Variants in GALNT13 observed in about 807,000 individuals in gnomAD.
The protein encoded by GALNT13 is UDP-GalNAc:polypeptide N-acetylgalactosaminyltransferase 13.
A neutral mutation model predicts 64.2 loss-of-function variants in GALNT13; 28 were observed. The ratio of observed to expected loss-of-function variants is 0.44; its 90% CI spans 0.32 to 0.60. The LOEUF (loss-of-function observed/expected upper bound fraction) is 0.60, where lower values mean the gene tolerates loss of function less well. GALNT13 is among the 20% of genes least tolerant of loss of function. The pLI is 0.05. For missense variants in GALNT13, 577 were observed against 669.8 expected (o/e 0.86, Z 1.53); for synonymous variants, 214 against 224.6 (o/e 0.95, Z 0.42).
At chr2:154,289,417 C>T (rs1031205821) in intron 8 of GALNT13, among the ~76,000 whole-genome samples, 3 of 152,148 alleles carry the variant, frequency 2.0e-5, no homozygotes, top group Non-Finnish European at 4.4e-5. Context: ...CTTACAGTTC[C>T]ACATGGCTGG....
chr2:153,106,644 G>A, the GALNT13 span, among the ~76,000 whole-genome samples: 1 of 152,126 alleles, frequency 6.6e-6, no homozygotes. Flanking sequence ...GTCAGTGTGA[G>A]GTGATGTATG....
chr2:154,441,305 A>G (rs1215314849), intron 12 of GALNT13, among the ~76,000 whole-genome samples: 2 of 152,118 alleles, frequency 1.3e-5, no homozygotes, highest in Non-Finnish European at 2.9e-5. Context: ...AGAAAGAGGA[A>G]TAATTGCTCA....
intron 3 of GALNT13, among the ~76,000 whole-genome samples, chr2:153,954,684 T>C (rs1692443442): frequency 6.6e-6 from 1 of 151,652 alleles, no homozygotes; most frequent in Non-Finnish European, 1.5e-5. Context: ...AAGCAATATT[T>C]TGAGTAACTT....
the GALNT13 span, among the ~76,000 whole-genome samples, chr2:153,747,028 C>T: frequency 1.3e-5 from 2 of 152,046 alleles, no homozygotes; most frequent in Non-Finnish European, 2.9e-5. Flanking sequence ...TCTTCTCCAA[C>T]TCTCTGGGTT....
chr2:153,122,201 T>A, the GALNT13 span, among the ~76,000 whole-genome samples: 3 of 151,926 alleles, frequency 2.0e-5, no homozygotes, highest in Non-Finnish European at 2.9e-5. Flanking sequence ...ACTTTACCTA[T>A]TGTTTACTGT....
At chr2:153,436,273 A>G in the GALNT13 span, among the ~76,000 whole-genome samples, 1 of 152,130 alleles carries the variant, frequency 6.6e-6, no homozygotes, top group East Asian at 1.9e-4. Flanking sequence ...CATCAAGGAT[A>G]TTGGTCTAAA....
chr2:153,371,350 G>A, the GALNT13 span, among the ~76,000 whole-genome samples: 2 of 152,082 alleles, frequency 1.3e-5, no homozygotes, highest in African/African-American at 4.8e-5. Context: ...GTTAGGAAAG[G>A]TAATAAAAAG....
intron 11 of GALNT13, among the ~76,000 whole-genome samples, chr2:154,414,425 A>T (rs1420314728): frequency 6.6e-6 from 1 of 152,020 alleles, no homozygotes. Flanking sequence ...ATTCCACACC[A>T]GGTTTATAGT....
At chr2:153,873,272 A>C (rs895050) in intron 1 of GALNT13, among the ~76,000 whole-genome samples, 123,380 of 152,174 alleles carry the variant, frequency 0.81, 51,460 homozygotes, top group Non-Finnish European at 0.9. Flanking sequence ...GGAGGGGCGC[A>C]AGGGGTTAGA....
the GALNT13 span, among the ~76,000 whole-genome samples, chr2:153,750,279 T>A: frequency 6.6e-6 from 1 of 151,894 alleles, no homozygotes; most frequent in East Asian, 1.9e-4. Flanking sequence ...TATTGGCCCA[T>A]AGTTTTCTTT....
chr2:153,078,805 C>T, the GALNT13 span, among the ~76,000 whole-genome samples: 8 of 152,024 alleles, frequency 5.3e-5, no homozygotes, highest in South Asian at 4.1e-4. Flanking sequence ...TGAGTATTAT[C>T]GTAATGAATG....
chr2:153,601,851 A>G, the GALNT13 span, among the ~76,000 whole-genome samples: 1 of 151,930 alleles, frequency 6.6e-6, no homozygotes. Context: ...ATATACACCA[A>G]GAAATCTTAA....
chr2:154,310,497 C>T (rs1693975264), intron 9 of GALNT13, among the ~76,000 whole-genome samples: 1 of 152,030 alleles, frequency 6.6e-6, no homozygotes, highest in South Asian at 2.1e-4. Flanking sequence ...ATATTATGTC[C>T]TGCAGTGTTT....
At chr2:154,028,575 T>C (rs1185150203) in intron 3 of GALNT13, among the ~76,000 whole-genome samples, 1 of 152,130 alleles carries the variant, frequency 6.6e-6, no homozygotes, top group East Asian at 1.9e-4. Context: ...TAGATTAAGT[T>C]TTCTGTGATT....
At chr2:153,432,673 G>A in the GALNT13 span, among the ~76,000 whole-genome samples, 1,328 of 151,958 alleles carry the variant, frequency 8.7e-3, 13 homozygotes, top group Non-Finnish European at 0.014. Flanking sequence ...TTTTCTTCTG[G>A]ACTGTTTTTC....
At chr2:153,507,506 C>T in the GALNT13 span, among the ~76,000 whole-genome samples, 1 of 152,074 alleles carries the variant, frequency 6.6e-6, no homozygotes, top group African/African-American at 2.4e-5. Context: ...GTCTCTATCT[C>T]CTGATCTCGT....
chr2:153,201,694 T>G, the GALNT13 span: 1 of 152,196 alleles, frequency 6.6e-6, no homozygotes, highest in Non-Finnish European at 1.5e-5. Context: ...TTTTATAACT[T>G]ACATTGTAAA....
At chr2:154,078,916 G>T (rs1701127549) in intron 3 of GALNT13, among the ~76,000 whole-genome samples, 1 of 151,570 alleles carries the variant, frequency 6.6e-6, no homozygotes, top group African/African-American at 2.4e-5. Context: ...ATAACATGAA[G>T]AAAATAATGC....
chr2:153,703,096 A>C, the GALNT13 span, among the ~76,000 whole-genome samples: 1 of 152,148 alleles, frequency 6.6e-6, no homozygotes, highest in Non-Finnish European at 1.5e-5. Flanking sequence ...GCTGATAATC[A>C]AGTAATATGA....
Sources: gnomAD v4.1 joint callset for allele counts (sites outside exome capture counted in the v4.1 genomes callset) on GRCh38, gnomAD v4.1.1 for gene constraint, MANE v1.5 for transcripts, NCBI Gene and HGNC (gene_info 2026-07-23, HGNC 2026-07-21) for gene names.